Variants in ASCC1 observed in about 807,000 individuals in gnomAD.
The protein encoded by ASCC1 is activating signal cointegrator 1 complex subunit 1.
In ASCC1, 35 loss-of-function variants were observed where a neutral mutation model predicts 46.6. That is an observed-to-expected ratio of 0.75 (90% confidence interval 0.57 to 0.99). The LOEUF (loss-of-function observed/expected upper bound fraction) is 0.99, where lower values mean the gene tolerates loss of function less well. ASCC1 is among the 50% of genes least tolerant of loss of function. The probability of loss-of-function intolerance (pLI) is 0.00; values close to 1 mark genes in which losing one functional copy is unlikely to be tolerated. For synonymous variants in ASCC1, 143 were observed against 146.6 expected (o/e 0.98, Z 0.18); for missense variants, 376 against 428.7 (o/e 0.88, Z 1.09).
chr10:72,123,058 C>T (rs930907269), intron 9 of ASCC1, among the ~76,000 whole-genome samples: 2 of 152,168 alleles, frequency 1.3e-5, no homozygotes, highest in African/African-American at 4.8e-5. Flanking sequence ...AGAGCAGAGG[C>T]TGGGCGCGGT....
At chr10:72,102,845 G>C (rs987478571) in intron 9 of ASCC1, 1 of 358,030 alleles carries the variant, frequency 2.8e-6, no homozygotes, top group East Asian at 8.2e-5. Flanking sequence ...CATGGTGGCG[G>C]TCACCTGTAA....
intron 6 of ASCC1, among the ~76,000 whole-genome samples, chr10:72,156,888 A>G (rs1211150064): frequency 6.6e-6 from 1 of 152,178 alleles, no homozygotes; most frequent in Admixed American, 6.5e-5. Context: ...TTTGTAGCCT[A>G]GGAATCCTAG....
chr10:72,198,370 A>AC, intron 4 of ASCC1: 1 of 35,902 alleles, frequency 2.8e-5, no homozygotes, highest in Admixed American at 5.2e-4. Flanking sequence ...GGGGAGGGGG[A>AC]GGGGAGGGAA....
At chr10:72,177,272 T>C (rs1364626124) in intron 5 of ASCC1, among the ~76,000 whole-genome samples, 3 of 152,182 alleles carry the variant, frequency 2.0e-5, no homozygotes, top group Admixed American at 6.5e-5. Flanking sequence ...TTGGGGCTTT[T>C]TACAATTTTC....
chr10:72,139,646 G>C (rs1173806224), intron 7 of ASCC1, among the ~76,000 whole-genome samples: 2 of 152,144 alleles, frequency 1.3e-5, no homozygotes, highest in Non-Finnish European at 2.9e-5. Context: ...TTAGTTTAAA[G>C]GCCTGTAAGT....
intron 5 of ASCC1, among the ~76,000 whole-genome samples, chr10:72,172,571 C>G (rs1245574423): frequency 6.8e-6 from 1 of 147,770 alleles, no homozygotes; most frequent in Non-Finnish European, 1.5e-5. Flanking sequence ...GTCTTGAACT[C>G]CTGGCCTCAA....
chr10:72,141,707 T>C (rs544124666), intron 7 of ASCC1, among the ~76,000 whole-genome samples: 1 of 152,332 alleles, frequency 6.6e-6, no homozygotes, highest in Non-Finnish European at 1.5e-5. Flanking sequence ...ACTGAATAGA[T>C]TTAAGCTCCC....
At chr10:72,161,289 C>T (rs972195931) in intron 6 of ASCC1, among the ~76,000 whole-genome samples, 1 of 152,030 alleles carries the variant, frequency 6.6e-6, no homozygotes, top group African/African-American at 2.4e-5. Context: ...AATAATGACC[C>T]CCAAAGATGT....
At chr10:72,214,203 A>G (rs1444921984) in intron 1 of ASCC1, among the ~76,000 whole-genome samples, 1 of 151,870 alleles carries the variant, frequency 6.6e-6, no homozygotes, top group Non-Finnish European at 1.5e-5. Context: ...AACAACAACA[A>G]CAACAAAAAA....
intron 5 of ASCC1, among the ~76,000 whole-genome samples, chr10:72,189,204 T>C (rs950701594): frequency 6.6e-6 from 1 of 150,776 alleles, no homozygotes; most frequent in African/African-American, 2.4e-5. Flanking sequence ...ATCGAGACCA[T>C]TCTGGCTAAC....
At chr10:72,151,566 C>T (rs1018056726) in intron 7 of ASCC1, among the ~76,000 whole-genome samples, 1 of 151,944 alleles carries the variant, frequency 6.6e-6, no homozygotes, top group Non-Finnish European at 1.5e-5. Flanking sequence ...GAACATTGTG[C>T]ACATGTACCC....
chr10:72,216,704 G>T (rs983653021), upstream of ASCC1: 5 of 393,204 alleles, frequency 1.3e-5, no homozygotes, highest in African/African-American at 1.1e-4. Flanking sequence ...TGAATGCGAG[G>T]TCATCCCTGC....
At chr10:72,122,639 A>G (rs1375802948) in intron 9 of ASCC1, among the ~76,000 whole-genome samples, 1 of 151,614 alleles carries the variant, frequency 6.6e-6, no homozygotes, top group Non-Finnish European at 1.5e-5. Flanking sequence ...TTAGCCAGGC[A>G]TGACAGTGCA....
intron 5 of ASCC1, among the ~76,000 whole-genome samples, chr10:72,194,442 G>C (rs775826742): frequency 3.3e-5 from 5 of 151,094 alleles, no homozygotes; most frequent in South Asian, 2.1e-4. Flanking sequence ...GAAAACTCTA[G>C]TTTGGAGCAT....
At chr10:72,190,074 C>A in intron 5 of ASCC1, 1 of 758,614 alleles carries the variant, frequency 1.3e-6, no homozygotes, top group East Asian at 2.4e-5. Flanking sequence ...CCCACCCAGC[C>A]TGATAAAGCG....
rs182903547 is a variant in ASCC1, at chr10:72,204,133, C to A, written c.213-609G>T. 2.9e-4 allele frequency among the ~76,000 whole-genome samples: 44 copies of A among 152,296 alleles called. No individual in the cohort carries two copies. The East Asian group carries it at 7.7e-3, about 27-fold the overall frequency. On this transcript the variant is annotated intron_variant, in intron 3 of 9. Transcript: ENST00000672957. ...TGTGACAGCAGGGTGCCTGTAATCC[C>A]AGCTACTTGGGAGGCTAAGGCAGGA...
At chr10:72,118,927 T>A (rs1400834071) in intron 9 of ASCC1, among the ~76,000 whole-genome samples, 1 of 152,182 alleles carries the variant, frequency 6.6e-6, no homozygotes, top group African/African-American at 2.4e-5. Context: ...CGCCACTCCA[T>A]CCTAACAAGG....
chr10:72,106,784 T>C (rs1296504349), intron 9 of ASCC1, among the ~76,000 whole-genome samples: 1 of 152,208 alleles, frequency 6.6e-6, no homozygotes, highest in Non-Finnish European at 1.5e-5. Flanking sequence ...ATTATCCCCA[T>C]TTATATAAGA....
intron 9 of ASCC1, among the ~76,000 whole-genome samples, chr10:72,126,790 G>A (rs1340910367): frequency 1.3e-5 from 2 of 152,112 alleles, no homozygotes; most frequent in African/African-American, 4.8e-5. Flanking sequence ...CTGTAGCCTG[G>A]AAAAAACAGT....
Sources: allele counts gnomAD v4.1 joint callset (sites outside exome capture counted in the v4.1 genomes callset), GRCh38; gene constraint gnomAD v4.1.1; transcripts MANE v1.5; gene names NCBI Gene and HGNC (gene_info 2026-07-23, HGNC 2026-07-21).